Variants in ZNF385D observed in about 807,000 individuals in gnomAD.
ZNF385D encodes the protein zinc finger protein 659.
In ZNF385D, 15 loss-of-function variants were observed where a neutral mutation model predicts 35.8. The observed-to-expected ratio is 0.42, with a 90% confidence interval of 0.28 to 0.64. The LOEUF is 0.64. Ranked by LOEUF, ZNF385D falls within the 30% of genes least tolerant of loss-of-function variation. The pLI is 0.23. For synonymous variants in ZNF385D, 212 were observed against 186.8 expected, an observed-to-expected ratio of 1.13 and a Z score of -1.10; for missense variants, 474 against 494.6, an observed-to-expected ratio of 0.96 and a Z score of 0.39.
intron 3 of ZNF385D, among the ~76,000 whole-genome samples, chr3:22,159,688 C>A (rs954999353): frequency 4.6e-5 from 7 of 152,062 alleles, no homozygotes; most frequent in African/African-American, 1.7e-4. Context: ...CAAATTTGAA[C>A]ACAGTGAAAT....
chr3:21,691,958 C>T (rs1262640865), intron 1 of ZNF385D, among the ~76,000 whole-genome samples: 1 of 152,158 alleles, frequency 6.6e-6, no homozygotes, highest in Non-Finnish European at 1.5e-5. Context: ...CTAAATATCT[C>T]CTAGGCGTGG....
chr3:21,447,955 G>A (rs190929892), intron 4 of ZNF385D, among the ~76,000 whole-genome samples: 24 of 152,206 alleles, frequency 1.6e-4, no homozygotes, highest in Non-Finnish European at 1.0e-4. Context: ...TATTGAGTAT[G>A]GAAATAATTT....
intron 3 of ZNF385D, among the ~76,000 whole-genome samples, chr3:21,826,531 C>A (rs1694641099): frequency 6.6e-6 from 1 of 152,074 alleles, no homozygotes. Flanking sequence ...AGGAAGGAGT[C>A]CACTTGAAAG....
At chr3:22,067,323 A>G (rs953831351) in intron 3 of ZNF385D, among the ~76,000 whole-genome samples, 50 of 152,182 alleles carry the variant, frequency 3.3e-4, no homozygotes, top group Admixed American at 5.2e-4. Flanking sequence ...ATCTTTAATA[A>G]CTGTCTTATG....
chr3:21,458,150 C>T (rs1020012406), intron 4 of ZNF385D, among the ~76,000 whole-genome samples: 9 of 151,792 alleles, frequency 5.9e-5, no homozygotes, highest in East Asian at 3.9e-4. Flanking sequence ...CTATATAAAA[C>T]CTAGGAAATG....
chr3:21,566,558 T>A (rs1435769624), intron 2 of ZNF385D, among the ~76,000 whole-genome samples: 1 of 152,002 alleles, frequency 6.6e-6, no homozygotes, highest in Non-Finnish European at 1.5e-5. Flanking sequence ...TGAACCCAGA[T>A]TGCAGTGAGC....
chr3:21,429,002 T>TA (rs2125210912), intron 5 of ZNF385D, among the ~76,000 whole-genome samples: 1 of 145,384 alleles, frequency 6.9e-6, no homozygotes, highest in South Asian at 2.2e-4. Context: ...ATATTACGCT[T>TA]AAAATCAAGT....
chr3:22,288,803 G>A (rs1474171025), intron 2 of ZNF385D, among the ~76,000 whole-genome samples: 1 of 152,006 alleles, frequency 6.6e-6, no homozygotes, highest in African/African-American at 2.4e-5. Context: ...GTTGGTTTCT[G>A]TTTATTAGAT....
intron 1 of ZNF385D, among the ~76,000 whole-genome samples, chr3:21,711,191 A>G (rs1236243543): frequency 2.0e-5 from 3 of 151,104 alleles, no homozygotes; most frequent in African/African-American, 2.4e-5. Context: ...ACAGGAGCCC[A>G]CCATCACGCC....
intron 2 of ZNF385D, among the ~76,000 whole-genome samples, chr3:22,197,844 C>T (rs1024135750): frequency 6.6e-6 from 1 of 152,100 alleles, no homozygotes; most frequent in Non-Finnish European, 1.5e-5. Flanking sequence ...TTCCTTTCCT[C>T]TAGCATCTTG....
At chr3:21,563,077 G>A (rs1030445777) in intron 3 of ZNF385D, among the ~76,000 whole-genome samples, 2 of 151,370 alleles carry the variant, frequency 1.3e-5, no homozygotes, top group African/African-American at 4.9e-5. Flanking sequence ...TTGAGATTCT[G>A]ACCCCCAAGT....
At chr3:22,369,420 T>C (rs1696800067) in intron 2 of ZNF385D, among the ~76,000 whole-genome samples, 1 of 152,200 alleles carries the variant, frequency 6.6e-6, no homozygotes, top group South Asian at 2.1e-4. Flanking sequence ...ATTATTTTAA[T>C]ACTCTTCTAA....
intron 2 of ZNF385D, among the ~76,000 whole-genome samples, chr3:21,595,413 C>A (rs1420796267): frequency 6.7e-6 from 1 of 150,256 alleles, no homozygotes; most frequent in African/African-American, 2.4e-5. Context: ...TTATATACAA[C>A]ATATGCTTTA....
At chr3:21,501,206 ACTCC>A (rs35208751) in intron 4 of ZNF385D, among the ~76,000 whole-genome samples, 37,253 of 151,590 alleles carry the variant, frequency 0.25, 4,743 homozygotes, top group Non-Finnish European at 0.28. Context: ...TTGGAGACCC[ACTCC>A]CTCTATCGCT....
chr3:21,699,824 T>TG (rs2067610108), intron 1 of ZNF385D, among the ~76,000 whole-genome samples: 1 of 113,406 alleles, frequency 8.8e-6, no homozygotes, highest in East Asian at 2.2e-4. Flanking sequence ...TTTCTTTTCC[T>TG]TTTTTTTTTT....
intron 3 of ZNF385D, among the ~76,000 whole-genome samples, chr3:22,110,115 A>G (rs796823375): frequency 2.0e-4 from 31 of 152,190 alleles, no homozygotes; most frequent in Admixed American, 5.9e-4. Context: ...TTAGAATGGC[A>G]ATCATTAAAA....
chr3:22,066,735 T>C (rs921269865), intron 3 of ZNF385D, among the ~76,000 whole-genome samples: 1 of 152,192 alleles, frequency 6.6e-6, no homozygotes, highest in Non-Finnish European at 1.5e-5. Context: ...TGATGTGCAC[T>C]TAGATATTCA....
chr3:22,184,637 C>G (rs1192048199), intron 2 of ZNF385D, among the ~76,000 whole-genome samples: 1 of 152,052 alleles, frequency 6.6e-6, no homozygotes, highest in Non-Finnish European at 1.5e-5. Context: ...ACCAGACTGT[C>G]CAACATGGTG....
At chr3:21,632,517 A>C (rs2065310769) in intron 2 of ZNF385D, among the ~76,000 whole-genome samples, 1 of 152,158 alleles carries the variant, frequency 6.6e-6, no homozygotes, top group African/African-American at 2.4e-5. Flanking sequence ...ACAATTCTGC[A>C]TAAAATGCAT....
Sources: gnomAD v4.1 joint callset for allele counts (sites outside exome capture counted in the v4.1 genomes callset) on GRCh38, gnomAD v4.1.1 for gene constraint, MANE v1.5 for transcripts, NCBI Gene and HGNC (gene_info 2026-07-23, HGNC 2026-07-21) for gene names.